Variants in STPG4 observed in about 807,000 individuals in gnomAD.
The protein encoded by STPG4 is protein STPG4.
A neutral mutation model predicts 31.5 loss-of-function variants in STPG4; 41 were observed. That is an observed-to-expected ratio of 1.30 (90% CI 1.01 to 1.69). The LOEUF is 1.69. Ranked by LOEUF, STPG4 falls within the 40% of genes most tolerant of loss-of-function variation. The probability of loss-of-function intolerance (pLI) is 0.00; values close to 1 mark genes in which losing one functional copy is unlikely to be tolerated. For missense variants in STPG4, 375 were observed against 293.4 expected (o/e 1.28, Z -2.03); for synonymous variants, 141 against 103.0 (o/e 1.37, Z -2.24).
At chr2:47,152,009 C>T (rs1338446335) in intron 2 of STPG4, among the ~76,000 whole-genome samples, 3 of 152,010 alleles carry the variant, frequency 2.0e-5, no homozygotes, top group African/African-American at 2.4e-5. Context: ...GTGATCCGCC[C>T]GCCTTGGCAT....
chr2:47,117,621 A>G (rs1016291357), intron 5 of STPG4, among the ~76,000 whole-genome samples: 13 of 152,228 alleles, frequency 8.5e-5, no homozygotes, highest in African/African-American at 1.2e-4. Flanking sequence ...TTTAATATGT[A>G]TAAGTTTGTG....
At chr2:47,127,810 C>G (rs574526149) in intron 5 of STPG4, among the ~76,000 whole-genome samples, 3 of 152,296 alleles carry the variant, frequency 2.0e-5, no homozygotes, top group Admixed American at 1.3e-4. Context: ...GGTCACATAT[C>G]TGTGTCACTC....
chr2:47,151,893 A>G (rs1335377464), intron 2 of STPG4, among the ~76,000 whole-genome samples: 1 of 149,524 alleles, frequency 6.7e-6, no homozygotes, highest in Non-Finnish European at 1.5e-5. Flanking sequence ...GGCATCAGCC[A>G]CTACGCCCGG....
chr2:47,137,510 G>C (rs546879676), intron 3 of STPG4, among the ~76,000 whole-genome samples: 76 of 152,236 alleles, frequency 5.0e-4, no homozygotes, highest in African/African-American at 1.8e-3. Flanking sequence ...GTTAGGAGGT[G>C]TGTCCCCTGC....
At chr2:47,099,282 G>A (rs530826743) in intron 5 of STPG4, among the ~76,000 whole-genome samples, 1 of 152,340 alleles carries the variant, frequency 6.6e-6, no homozygotes, top group African/African-American at 2.4e-5. Flanking sequence ...GAAATCTGAG[G>A]CAGTTCTGGC....
chr2:47,099,601 G>A (rs900143753), intron 5 of STPG4, among the ~76,000 whole-genome samples: 3 of 152,386 alleles, frequency 2.0e-5, no homozygotes, highest in South Asian at 4.1e-4. Context: ...CGCTCTCGGC[G>A]CCTCCTCTGC....
chr2:47,095,204 C>T (rs1240066160), intron 5 of STPG4, among the ~76,000 whole-genome samples: 1 of 152,202 alleles, frequency 6.6e-6, no homozygotes, highest in Non-Finnish European at 1.5e-5. Flanking sequence ...CCCGGTACCT[C>T]AGTATGGGAC....
At chr2:47,140,106 C>G (rs1032419493) in intron 3 of STPG4, among the ~76,000 whole-genome samples, 5 of 152,238 alleles carry the variant, frequency 3.3e-5, no homozygotes, top group South Asian at 2.1e-4. Flanking sequence ...GTCTCTACCT[C>G]TCTCTGGTAT....
intron 3 of STPG4, among the ~76,000 whole-genome samples, chr2:47,140,381 A>C (rs1686678086): frequency 6.6e-6 from 1 of 152,150 alleles, no homozygotes; most frequent in Non-Finnish European, 1.5e-5. Context: ...AGAACCTGGG[A>C]GAGCTCCTGC....
intron 5 of STPG4, among the ~76,000 whole-genome samples, chr2:47,120,200 C>A (rs1686237859): frequency 6.6e-6 from 1 of 151,938 alleles, no homozygotes; most frequent in African/African-American, 2.4e-5. Context: ...GCGTGGTGGC[C>A]CACACCTGTA....
Position 47,155,297 on chromosome 2 carries a change from G to C in STPG4, c.-46C>G. The C allele has an allele frequency of 1.2e-6, 2 of 1,603,056 alleles. No homozygotes were observed. The highest frequency in any genetic ancestry group is 1.7e-6 in the Non-Finnish European group (2 of 1,170,662). ...GGCTGAACCTGAGCTCCGGTTGCTA[G>C]GAGGCGGGTGTGGCCCGTGGGCTCC... is the stretch of plus-strand genomic sequence containing the variant. On this transcript the variant is annotated 5_prime_UTR_variant, in exon 1 of 7. Coordinates refer to ENST00000445927, the MANE Select transcript of STPG4 (RefSeq NM_001163561.2).
chr2:47,097,472 G>T lies in STPG4; in HGVS notation c.520-7098C>A, dbSNP rs183131750. On this transcript the variant is annotated intron_variant, in intron 5 of 6. Coordinates refer to ENST00000445927, the MANE Select transcript of STPG4 (RefSeq NM_001163561.2). ...TTTGGGAGGTGATTATGTCATTAGG[G>T]CTTCTTCCTCAGGGATGGGACTCCT... Among the ~76,000 whole-genome samples, 63 of 152,180 alleles carry T rather than the reference G, an allele frequency of 4.1e-4. 1 individual carries two copies. Among genetic ancestry groups the T allele is most frequent in the African/African-American group, 1.5e-3 (61 of 41,526 alleles).
chr2:47,110,108 T>C (rs1297245174), intron 5 of STPG4, among the ~76,000 whole-genome samples: 2 of 152,160 alleles, frequency 1.3e-5, no homozygotes, highest in Non-Finnish European at 2.9e-5. Flanking sequence ...TCACTATATA[T>C]ACAACTAAGA....
chr2:47,103,478 C>G (rs1685842047), intron 5 of STPG4, among the ~76,000 whole-genome samples: 1 of 151,864 alleles, frequency 6.6e-6, no homozygotes, highest in African/African-American at 2.4e-5. Context: ...CCAAGAGGAA[C>G]AGGCCCAAAA....
At chr2:47,130,753 G>T (rs950897100) in intron 3 of STPG4, among the ~76,000 whole-genome samples, 2 of 151,904 alleles carry the variant, frequency 1.3e-5, no homozygotes, top group African/African-American at 4.8e-5. Context: ...GGCCTCAAGT[G>T]ATCCACCTGC....
At chr2:47,126,532 G>A (rs1485791293) in intron 5 of STPG4, among the ~76,000 whole-genome samples, 1 of 152,082 alleles carries the variant, frequency 6.6e-6, no homozygotes, top group Non-Finnish European at 1.5e-5. Context: ...TCTCTATGTT[G>A]CCTAGGCTGG....
At chr2:47,105,884 C>A (rs762218359) in intron 5 of STPG4, among the ~76,000 whole-genome samples, 3 of 151,998 alleles carry the variant, frequency 2.0e-5, no homozygotes, top group East Asian at 1.9e-4. Context: ...TCTGGGGAAA[C>A]CCCCATTAAA....
At chr2:47,095,507 A>G (rs1444642290) in intron 5 of STPG4, among the ~76,000 whole-genome samples, 1 of 152,208 alleles carries the variant, frequency 6.6e-6, no homozygotes, top group Non-Finnish European at 1.5e-5. Context: ...TCCAGTCTCC[A>G]GAACTGTGAG....
chr2:47,129,178 C>A (rs1170749561), intron 5 of STPG4: 3 of 152,252 alleles, frequency 2.0e-5, no homozygotes, highest in African/African-American at 7.2e-5. Context: ...CCTCTTTACT[C>A]TCCCCTCTCC....
Sources: gnomAD v4.1 joint callset for allele counts (sites outside exome capture counted in the v4.1 genomes callset) on GRCh38, gnomAD v4.1.1 for gene constraint, MANE v1.5 for transcripts, NCBI Gene and HGNC (gene_info 2026-07-23, HGNC 2026-07-21) for gene names.